Variants in POLR3A observed in about 807,000 individuals in gnomAD.
POLR3A encodes the protein RNA polymerase III subunit A.
POLR3A carries 112 observed loss-of-function variants against 152.8 expected under a neutral mutation model. The ratio of observed to expected loss-of-function variants is 0.73; its 90% CI spans 0.63 to 0.86. The LOEUF is 0.86. Among genes scored for constraint, POLR3A ranks in the 40% least tolerant of loss-of-function variants. POLR3A has a pLI of 0.00. For synonymous variants in POLR3A, 615 were observed against 652.1 expected (o/e 0.94, Z 0.87); for missense variants, 1,385 against 1,743.1 (o/e 0.79, Z 3.66).
chr10:78,028,109 G>C (rs1039325036), intron 1 of POLR3A, among the ~76,000 whole-genome samples: 1 of 152,064 alleles, frequency 6.6e-6, no homozygotes, highest in Admixed American at 6.5e-5. Flanking sequence ...AAGGTCTCTC[G>C]ACCTCTAATT....
At chr10:77,977,905 G>A (rs977745576) in intron 30 of POLR3A, among the ~76,000 whole-genome samples, 9 of 152,104 alleles carry the variant, frequency 5.9e-5, no homozygotes, top group Non-Finnish European at 2.9e-5. Flanking sequence ...TCTCCCACCT[G>A]AGCCAAAGGC....
At chr10:78,011,413 G>A (rs1847465430) in intron 11 of POLR3A, among the ~76,000 whole-genome samples, 1 of 152,198 alleles carries the variant, frequency 6.6e-6, no homozygotes, top group South Asian at 2.1e-4. Context: ...GGCTCTGTGT[G>A]TATGAGAGTA....
At chr10:77,981,850 C>G (rs1196274528) in intron 28 of POLR3A, among the ~76,000 whole-genome samples, 1 of 135,754 alleles carries the variant, frequency 7.4e-6, no homozygotes, top group Admixed American at 7.7e-5. Context: ...TGGTGAAACC[C>G]CATTTCTACT....
rs1313069073 is a variant in POLR3A, at chr10:78,019,178, G to C, written c.1273C>G (p.His425Asp). The C allele has an allele frequency of 6.2e-7, 1 of 1,611,950 alleles. No individual in the cohort carries two copies. Among genetic ancestry groups the C allele is most frequent in the South Asian group, 1.1e-5 (1 of 91,032 alleles). ...HPGANFIQQR[H>D]TQMKRFLKYG... ...AAAGATTACCTTTTCATCTGCGTAT[G>C]TCTCTGCTGAATGAAGTTTGCTCCT... is the stretch of plus-strand genomic sequence containing the variant. The change falls in exon 9 of 31, where the codon CAT becomes GAT. Residue 425 changes from histidine to aspartate, a missense_variant. This residue lies in a region of POLR3A where 493 missense variants were observed against 647.5 expected (regional missense o/e 0.76). Coordinates refer to ENST00000372371, the MANE Select transcript of POLR3A (RefSeq NM_007055.4).
At chr10:78,019,047 A>T in intron 9 of POLR3A, 115 bp downstream of exon 9, 2 of 791,032 alleles carry the variant, frequency 2.5e-6, no homozygotes, top group Non-Finnish European at 4.4e-6. Context: ...TATTTTCCAC[A>T]TGCCAAAATG....
chr10:78,007,914 C>T (rs1357102383), intron 14 of POLR3A, 48 bp from the exon 15 acceptor site: 2 of 1,449,172 alleles, frequency 1.4e-6, no homozygotes, highest in East Asian at 2.7e-5. Context: ...ATTACTTTGC[C>T]TTATTCCAAA....
intron 27 of POLR3A, 132 bp from the exon 28 acceptor site, chr10:77,982,450 C>T (rs1358450514): frequency 1.0e-6 from 1 of 996,524 alleles, no homozygotes; most frequent in Non-Finnish European, 1.6e-6. Flanking sequence ...TAAGGGAGAA[C>T]AGAAGTTGTT....
chr10:77,992,398 A>G (rs1480399980), intron 20 of POLR3A, among the ~76,000 whole-genome samples: 2 of 146,380 alleles, frequency 1.4e-5, no homozygotes, highest in Non-Finnish European at 3.0e-5. Context: ...CCTCCTGAGT[A>G]GCTGGAACTT....
chr10:78,004,815 C>T lies in POLR3A; in HGVS notation c.2148G>A (p.Leu716=), dbSNP rs780642770. The part of the protein sequence containing the change: ...GQGLLKAKYE[L]LNAGYKKCDE... ...CACATTTCTTGTAGCCGGCATTCAG[C>T]AACTCATACTTGGCCTTCAGCAGTC... is the stretch of plus-strand genomic sequence containing the variant. Residue 716 remains leucine, a synonymous_variant, in exon 16 of 31, where the codon TTG becomes TTA. Transcript: ENST00000372371. 14 of 1,613,958 alleles carry T rather than the reference C, an allele frequency of 8.7e-6. No homozygotes were observed. Among genetic ancestry groups the T allele is most frequent in the African/African-American group, 1.3e-5 (1 of 74,922 alleles).
Position 78,017,731 on chromosome 10 carries a change from A to G in POLR3A, c.1290-15T>C, listed in dbSNP as rs1184086541. The G allele has an allele frequency of 1.2e-6, 2 of 1,614,044 alleles. No homozygotes were observed. Among genetic ancestry groups the G allele is most frequent in the South Asian group, 1.1e-5 (1 of 91,092 alleles). ...ATTTCAAAAACCTGAATGTGCAACA[A>G]TAAACATGATCTGTGAAAGCAAAGT... On this transcript the variant is annotated splice_polypyrimidine_tract_variant and intron_variant, in intron 9 of 30. Transcript: ENST00000372371.
chr10:77,985,499 C>G (rs1206846071), intron 23 of POLR3A, among the ~76,000 whole-genome samples, 159 bp from the exon 24 acceptor site: 1 of 152,132 alleles, frequency 6.6e-6, no homozygotes, highest in South Asian at 2.1e-4. Flanking sequence ...CTGGCATAGA[C>G]CAGAAATAGG....
intron 21 of POLR3A, 38 bp downstream of exon 21, chr10:77,991,016 C>A (rs1218281172): frequency 6.0e-6 from 7 of 1,172,880 alleles, no homozygotes; most frequent in Non-Finnish European, 9.0e-6. Flanking sequence ...TTACGACAGC[C>A]AGGCTGGGTG....
Position 78,000,076 on chromosome 10 carries a change from C to A in POLR3A, c.2521G>T (p.Gly841Cys), listed in dbSNP as rs192332506. 1 of 1,613,706 alleles carries A rather than the reference C, an allele frequency of 6.2e-7. No homozygotes were observed. The highest frequency in any genetic ancestry group is 1.3e-5 in the African/African-American group (1 of 74,828). Residue 841 changes from glycine to cysteine, a missense_variant, in exon 19 of 31, where the codon GGT becomes TGT. This residue lies in a region of POLR3A where 170 missense variants were observed against 231.2 expected (regional missense o/e 0.74). Coordinates refer to ENST00000372371, the MANE Select transcript of POLR3A (RefSeq NM_007055.4). ...AAGAAAAACTCAGTTGGTGTCAAAC[C>A]GGAATAAAAGCTATTAGCCACAAAG... ...KGFVANSFYS[G>C]LTPTEFFFHT...
At position 78,023,678 on chromosome 10, in the gene POLR3A, T is replaced by C. The variant is rs146673142; in HGVS notation, c.645+871A>G. Among the ~76,000 whole-genome samples, 589 of 151,644 alleles carry C rather than the reference T, an allele frequency of 3.9e-3. 2 individuals are homozygous for C. Among genetic ancestry groups the C allele is most frequent in the African/African-American group, 0.011 (465 of 41,328 alleles). The stretch of plus-strand genomic sequence containing the variant: ...CTGTAGTCCCAGCTACTTGGGAGGC[T>C]GACATGCAAGGATCACTTGAGCCTA... On this transcript the variant is annotated intron_variant, in intron 5 of 30. Transcript: ENST00000372371.
chr10:77,991,716 G>A (rs922736063), intron 20 of POLR3A, among the ~76,000 whole-genome samples: 4 of 152,036 alleles, frequency 2.6e-5, no homozygotes, highest in African/African-American at 9.7e-5. Flanking sequence ...GTAGAGACGG[G>A]GTTTCACCAT....
intron 8 of POLR3A, among the ~76,000 whole-genome samples, chr10:78,021,152 G>A (rs879253041): frequency 6.6e-6 from 1 of 152,156 alleles, no homozygotes; most frequent in Admixed American, 6.6e-5. Flanking sequence ...TTTTGGTAGA[G>A]ACAAGGTTTT....
intron 19 of POLR3A, among the ~76,000 whole-genome samples, chr10:77,995,138 C>G (rs1847287272): frequency 6.6e-6 from 1 of 152,130 alleles, no homozygotes; most frequent in African/African-American, 2.4e-5. Context: ...ACCAGGCCTG[C>G]CCTAAAAGAG....
Position 78,021,670 on chromosome 10 carries a change from C to T in POLR3A, c.1061G>A (p.Gly354Glu). The T allele has an allele frequency of 6.2e-7, 1 of 1,614,080 alleles. No homozygotes were observed. The highest frequency in any genetic ancestry group is 8.5e-7 in the Non-Finnish European group (1 of 1,180,026). Residue 354 changes from glycine to glutamate, a missense_variant, in exon 8 of 31, where the codon GGA (glycine) becomes GAA (glutamate). Coordinates refer to ENST00000372371, the MANE Select transcript of POLR3A (RefSeq NM_007055.4). The part of the protein sequence containing the change: ...RLKGKQGRFR[G>E]NLSGKRVDFS... Reference sequence around the variant, plus strand: ...ATCCACTCTCTTTCCTGAGAGATTTCCTCTAAATCGACCTAAATAGCCAAA... The same window carrying T: ...ATCCACTCTCTTTCCTGAGAGATTTTCTCTAAATCGACCTAAATAGCCAAA...
rs1187828026 is a variant in POLR3A at position 78,024,938 on chromosome 10, G to A, written c.490+33C>T. On this transcript the variant is annotated intron_variant, in intron 4 of 30. Transcript: ENST00000372371. ...AAACAGAAGACAGTGAGTGAAAAGG[G>A]CTATTGCTTAGCCTTCTGTGCATTC... is the stretch of plus-strand genomic sequence containing the variant. The A allele has an allele frequency of 2.5e-6, 4 of 1,606,938 alleles. No individual in the cohort carries two copies. The African/African-American group carries it at 5.4e-5, about 21-fold the overall frequency.
Sources: gnomAD v4.1 joint callset for allele counts (sites outside exome capture counted in the v4.1 genomes callset) on GRCh38, gnomAD v4.1.1 for gene constraint, gnomAD v4.1.1 regional missense constraint, MANE v1.5 for transcripts, NCBI Gene and HGNC (gene_info 2026-07-23, HGNC 2026-07-21) for gene names.